NISCH: variants seen among roughly 807,000 people sequenced by gnomAD.
NISCH encodes the protein I-1 receptor candidate protein.
A neutral mutation model predicts 138.4 loss-of-function variants in NISCH; 55 were observed. The observed-to-expected ratio is 0.40, with a 90% CI of 0.32 to 0.50. The LOEUF (loss-of-function observed/expected upper bound fraction) is 0.50, where lower values mean the gene tolerates loss of function less well. Among genes scored for constraint, NISCH ranks in the 20% least tolerant of loss-of-function variants. NISCH has a pLI of 0.71. For synonymous variants in NISCH, 860 were observed against 861.5 expected (o/e 1.00, Z 0.03); for missense variants, 1,643 against 2,005.5 (o/e 0.82, Z 3.45).
rs955550454 is a variant in NISCH at position 52,477,629 on chromosome 3, T to G, written c.974T>G (p.Val325Gly). ...LDLSHNGLLV[V>G]DNLQHLYNLV... Reference sequence around the variant, plus strand: ...CTGAGTCACAATGGATTGCTGGTTGTGGACAATCTGCAGGTAGTGCCTTTG... The same window carrying G: ...CTGAGTCACAATGGATTGCTGGTTGGGGACAATCTGCAGGTAGTGCCTTTG... The change falls in exon 9 of 21, where the codon GTG becomes GGG. Residue 325 changes from valine to glycine, a missense_variant. By Grantham distance (109) the Val-to-Gly change is moderately radical. Coordinates refer to ENST00000345716, the MANE Select transcript of NISCH (RefSeq NM_007184.4). The G allele has an allele frequency of 1.2e-6, 2 of 1,613,764 alleles. No homozygotes were observed. The highest frequency in any genetic ancestry group is 2.7e-5 in the African/African-American group (2 of 74,928).
In NISCH at chr3:52,470,912, G is replaced by A. The variant is rs780391949; in HGVS notation, c.409+5G>A. 23 of 1,613,932 alleles carry A rather than the reference G, an allele frequency of 1.4e-5. No individual in the cohort carries two copies. In the South Asian group the frequency reaches 2.4e-4, roughly 17 times the overall value. On this transcript the variant is annotated splice_donor_5th_base_variant and intron_variant, in intron 4 of 20. Transcript: ENST00000345716. ...CTGAAGAGCTCTTTGAGAAAGGTATGTGGCCACATGTCCCTGAAATACTGA... is the reference window on the plus strand; with the variant it reads ...CTGAAGAGCTCTTTGAGAAAGGTATATGGCCACATGTCCCTGAAATACTGA...
In NISCH at chr3:52,491,332, ACC is replaced by A; in HGVS notation, c.3743-19_3743-18del. On this transcript the variant is annotated intron_variant, in intron 19 of 20. Transcript: ENST00000345716. ...TGGGGAGCGCCGGCCTGTGGCCCTG[ACC>A]AGCCCCTTCTCGTGCAGGTTCCACC... 1 of 1,604,004 alleles carries A rather than the reference ACC, an allele frequency of 6.2e-7. No individual in the cohort carries two copies. Among genetic ancestry groups the A allele is most frequent in the Non-Finnish European group, 8.5e-7 (1 of 1,175,136 alleles).
chr3:52,472,033 T>C, intron 5 of NISCH, 56 bp downstream of exon 5: 1 of 1,508,078 alleles, frequency 6.6e-7, no homozygotes, highest in Non-Finnish European at 8.9e-7. Context: ...GGGTGCAACC[T>C]GCGGGGGACT....
chr3:52,491,541 C>G (rs752150709), intron 20 of NISCH, 28 bp downstream of exon 20: 1 of 1,594,306 alleles, frequency 6.3e-7, no homozygotes, highest in Admixed American at 1.7e-5. Context: ...AGGCTGCAGA[C>G]AGGCTGCCTG....
chr3:52,468,245 C>T (rs565775154), intron 3 of NISCH, among the ~76,000 whole-genome samples: 45 of 152,192 alleles, frequency 3.0e-4, no homozygotes, highest in Middle Eastern at 3.4e-3. Flanking sequence ...GGAGACAGAG[C>T]GAGACCCCGT....
chr3:52,488,590 C>T lies in NISCH; in HGVS notation c.3098C>T (p.Ala1033Val), dbSNP rs1339471352. The change falls in exon 16 of 21, where the codon GCC (alanine) becomes GTC (valine). Residue 1033 changes from alanine (A) to valine (V), a missense_variant. Coordinates refer to ENST00000345716, the MANE Select transcript of NISCH (RefSeq NM_007184.4). ...GGCTCCTTTGCGGATGGCCAGCCTG[C>T]CGAGCGCAGGGCCAGGTGAGATCAA... ...PQGSFADGQP[A>V]ERRASNDQRP... 5 of 1,610,198 alleles carry T rather than the reference C, an allele frequency of 3.1e-6. No individual in the cohort carries two copies. Among genetic ancestry groups the T allele is most frequent in the African/African-American group, 1.3e-5 (1 of 74,902 alleles).
intron 16 of NISCH, 29 bp downstream of exon 16, chr3:52,488,634 C>A: frequency 6.4e-7 from 1 of 1,555,914 alleles, no homozygotes. Context: ...CTCAGGGGCC[C>A]CGGGGGCATG....
At position 52,487,073 on chromosome 3, in the gene NISCH, G is replaced by C; in HGVS notation, c.1704-123G>C. 3 of 1,123,458 alleles carry C rather than the reference G, an allele frequency of 2.7e-6. No individual in the cohort carries two copies. In the South Asian group the frequency reaches 4.6e-5, roughly 17 times the overall value. The allele number at this position is 1,123,458 out of a possible 1,614,324, so 69.6% of individuals were successfully genotyped here. A position where few individuals can be genotyped will look rare whatever the true frequency, so the allele number is the denominator to read the frequency against. On this transcript the variant is annotated intron_variant, in intron 15 of 20. Coordinates refer to ENST00000345716, the MANE Select transcript of NISCH (RefSeq NM_007184.4). This position sits in a 1 kb window ranked among gnomAD's most constrained non-coding sequence, Gnocchi z 9.1. ...GGGAACTGACTTGGCCATGTGGGAG[G>C]CTTGGGAGACCCATGGGTTGGTTTC... is the stretch of plus-strand genomic sequence containing the variant.
At position 52,480,308 on chromosome 3, in the gene NISCH, GT is replaced by G. The variant is rs780010498; in HGVS notation, c.1528+14del. On this transcript the variant is annotated intron_variant, in intron 13 of 20. Transcript: ENST00000345716. The stretch of plus-strand genomic sequence containing the variant: ...CTCTCTAACCAAGGTAATCGTGTAT[GT>G]ATCTTGCTTCTAGTGGAGCCACACA... 1.8e-4 allele frequency: 292 copies of G among 1,613,582 alleles called. No homozygotes were observed. Among genetic ancestry groups the G allele is most frequent in the Non-Finnish European group, 2.1e-4 (253 of 1,180,018 alleles).
intron 11 of NISCH, 61 bp from the exon 12 acceptor site, chr3:52,479,688 G>A (rs996904211): frequency 3.3e-6 from 4 of 1,196,052 alleles, no homozygotes; most frequent in Admixed American, 2.0e-5. Flanking sequence ...GCCATCACCA[G>A]TCCCCATGCT....
chr3:52,485,440 C>T (rs1345451693), intron 14 of NISCH, among the ~76,000 whole-genome samples: 3 of 152,190 alleles, frequency 2.0e-5, no homozygotes, highest in Admixed American at 6.5e-5. Context: ...CAGTTAGGGT[C>T]GGACCAAATT....
intron 13 of NISCH, among the ~76,000 whole-genome samples, chr3:52,483,543 A>G (rs1295455334): frequency 6.6e-6 from 1 of 152,250 alleles, no homozygotes; most frequent in Non-Finnish European, 1.5e-5. Context: ...AGCGGGGTTT[A>G]GGAACACTGT....
At chr3:52,490,921 A>G in intron 19 of NISCH, 88 bp downstream of exon 19, 1 of 1,547,582 alleles carries the variant, frequency 6.5e-7, no homozygotes, top group Non-Finnish European at 8.8e-7. Flanking sequence ...GTGGGTTATC[A>G]TAGACAGTTA....
At position 52,487,404 on chromosome 3, in the gene NISCH, G is replaced by C. The variant is rs140252201; in HGVS notation, c.1912G>C (p.Glu638Gln). The C allele has an allele frequency of 1.3e-4, 217 of 1,613,006 alleles. No individual in the cohort carries two copies. Among genetic ancestry groups the C allele is most frequent in the Non-Finnish European group, 1.7e-4 (206 of 1,179,230 alleles). ...GGAGGGCCAGGGTGAACAGGGCGAG[G>C]AGGAGGATGAGGAGGAGGAAGAAGA... Reference protein sequence around the residue: ...REEGQGEQGEEEDEEEEEEED... With the variant: ...REEGQGEQGEQEDEEEEEEED... Residue 638 changes from glutamate to glutamine, a missense_variant, in exon 16 of 21, where the codon GAG (glutamate) becomes CAG (glutamine). Glu to Gln is a conservative substitution (Grantham distance 29, BLOSUM62 2). Transcript: ENST00000345716. This position sits in a 1 kb window ranked among gnomAD's most constrained non-coding sequence, Gnocchi z 9.1.
Position 52,455,617 on chromosome 3 carries a change from C to G in NISCH, c.-25C>G, listed in dbSNP as rs1454576564. On this transcript the variant is annotated 5_prime_UTR_variant, in exon 1 of 21. Coordinates refer to ENST00000345716, the MANE Select transcript of NISCH (RefSeq NM_007184.4). ...CCTGCTGCTGCTAGTCTGCGCCGGG[C>G]GGCGGTGGCGGCGGAGACCCGAACA... is the stretch of plus-strand genomic sequence containing the variant. 1 of 1,299,210 alleles carries G rather than the reference C, an allele frequency of 7.7e-7. No individual in the cohort carries two copies. Among genetic ancestry groups the G allele is most frequent in the South Asian group, 2.9e-5 (1 of 34,926 alleles). 80.5% of individuals were successfully genotyped at this position (1,299,210 alleles called of 1,614,324 possible).
chr3:52,466,144 C>G (rs535867915), intron 3 of NISCH, among the ~76,000 whole-genome samples: 28 of 152,328 alleles, frequency 1.8e-4, no homozygotes, highest in Non-Finnish European at 3.8e-4. Flanking sequence ...TTTGAACTTA[C>G]AGTCTTGCAA....
intron 1 of NISCH, among the ~76,000 whole-genome samples, chr3:52,456,070 G>T (rs1357482899): frequency 6.6e-6 from 1 of 152,120 alleles, no homozygotes; most frequent in Non-Finnish European, 1.5e-5. Context: ...TAGGACTGGA[G>T]GGGCCCCGGC....
Position 52,491,871 on chromosome 3 carries a change from G to T in NISCH, c.3905-1G>T. On this transcript the variant is annotated splice_acceptor_variant, in intron 20 of 20. Transcript: ENST00000345716. LOFTEE classifies it high-confidence loss of function. ...ATAGCCCAGGTGGCATCTCTCTGCAGGGAAGATGGAGAACTACGAGCTGAT... is the reference window on the plus strand; with the variant it reads ...ATAGCCCAGGTGGCATCTCTCTGCATGGAAGATGGAGAACTACGAGCTGAT... The T allele has an allele frequency of 1.3e-6, 2 of 1,583,840 alleles. No individual in the cohort carries two copies. Among genetic ancestry groups the T allele is most frequent in the Non-Finnish European group, 1.7e-6 (2 of 1,161,508 alleles).
intron 16 of NISCH, 59 bp downstream of exon 16, chr3:52,488,664 C>T: frequency 7.2e-7 from 1 of 1,385,284 alleles, no homozygotes; most frequent in South Asian, 1.4e-5. Flanking sequence ...TGTGTGTGAT[C>T]TCAGCATCTG....
Sources: allele counts gnomAD v4.1 joint callset (sites outside exome capture counted in the v4.1 genomes callset), GRCh38; gene constraint gnomAD v4.1.1; non-coding constraint Gnocchi (gnomAD v3.1); transcripts MANE v1.5; gene names NCBI Gene and HGNC (gene_info 2026-07-23, HGNC 2026-07-21).